The following CSMD3 variants were observed in gnomAD, a reference collection of about 807,000 sequenced individuals.
The protein encoded by CSMD3 is CUB and sushi domain-containing protein 3.
Under a neutral mutation model 435.2 loss-of-function variants are expected in CSMD3, and 177 were observed. The ratio of observed to expected loss-of-function variants is 0.41; its 90% CI spans 0.36 to 0.46. The LOEUF is 0.46. Among genes scored for constraint, CSMD3 ranks in the 20% least tolerant of loss-of-function variants. The probability of loss-of-function intolerance (pLI) is 0.34; values close to 1 mark genes in which losing one functional copy is unlikely to be tolerated. For missense variants in CSMD3, 4,265 were observed against 4,504.6 expected (o/e 0.95, Z 1.52); for synonymous variants, 1,656 against 1,520.5 (o/e 1.09, Z -2.07).
In CSMD3 at chr8:113,308,434, G is replaced by A. The variant is rs201257457; in HGVS notation, c.401+6137C>T. ...CAGGCGCCCAACACCACGCCCGGCTGATTTTTTGTATTTTTAGTAAAGACG... is the reference window on the plus strand; with the variant it reads ...CAGGCGCCCAACACCACGCCCGGCTAATTTTTTGTATTTTTAGTAAAGACG... On this transcript the variant is annotated intron_variant, in intron 2 of 70. Transcript: ENST00000297405. Among the ~76,000 whole-genome samples, 11 of 151,456 alleles carry A rather than the reference G, an allele frequency of 7.3e-5. No individual in the cohort carries two copies. In the East Asian group the frequency reaches 1.8e-3, roughly 24 times the overall value.
chr8:112,884,584 A>G (rs1008655221), intron 10 of CSMD3, among the ~76,000 whole-genome samples: 18 of 151,722 alleles, frequency 1.2e-4, no homozygotes, highest in African/African-American at 4.4e-4. Context: ...GAGTTGTGAC[A>G]ATCAAACTTG....
At chr8:112,938,752 A>G (rs2083361424) in intron 9 of CSMD3, among the ~76,000 whole-genome samples, 1 of 152,156 alleles carries the variant, frequency 6.6e-6, no homozygotes, top group Non-Finnish European at 1.5e-5. Context: ...AAGTGGAAAG[A>G]TAATGCCAGA....
At chr8:113,254,359 G>A (rs1399307892) in intron 3 of CSMD3, among the ~76,000 whole-genome samples, 1 of 152,196 alleles carries the variant, frequency 6.6e-6, no homozygotes, top group African/African-American at 2.4e-5. Context: ...ACAGGAAAAG[G>A]CTAACCAGGG....
At chr8:112,495,808 C>T (rs2002471039) in intron 30 of CSMD3, among the ~76,000 whole-genome samples, 2 of 151,954 alleles carry the variant, frequency 1.3e-5, no homozygotes, top group South Asian at 4.1e-4. Context: ...GAGTATTTTG[C>T]CTCCTTACAG....
intron 32 of CSMD3, among the ~76,000 whole-genome samples, chr8:112,440,755 AGCAATGGCCCAG>A (rs1056232773): frequency 1.4e-4 from 21 of 152,178 alleles, no homozygotes; most frequent in African/African-American, 4.8e-4. Flanking sequence ...CACCCTCTGA[AGCAATGGCCCAG>A]GCTATACCTT....
chr8:112,227,224 T>C (rs1328149489), intron 70 of CSMD3, among the ~76,000 whole-genome samples: 1 of 152,236 alleles, frequency 6.6e-6, no homozygotes, highest in Non-Finnish European at 1.5e-5. Context: ...TGGAATATTA[T>C]TTAGCCATAT....
Position 112,975,986 on chromosome 8 carries a change from A to C in CSMD3, c.1193T>G (p.Val398Gly), listed in dbSNP as rs1210335402. 7 of 1,613,976 alleles carry C rather than the reference A, an allele frequency of 4.3e-6. No homozygotes were observed. Among genetic ancestry groups the C allele is most frequent in the Admixed American group, 1.7e-5 (1 of 59,986 alleles). ...CAGACCTGAATTTCTGAGACTCGTAACTTGCACTCGCTGTTCCTCGGAAAG... is the reference window on the plus strand; with the variant it reads ...CAGACCTGAATTTCTGAGACTCGTACCTTGCACTCGCTGTTCCTCGGAAAG... ...HRLSEEQRVQ[V>G]TSLRNSGLDP... is the part of the protein sequence containing the mutation. Residue 398 changes from valine to glycine, a missense_variant, in exon 7 of 71, where the codon GTT (valine) becomes GGT (glycine). By Grantham distance (109) the Val-to-Gly change is moderately radical. Coordinates refer to ENST00000297405, the MANE Select transcript of CSMD3 (RefSeq NM_198123.2).
At chr8:112,362,574 T>C (rs1827351280) in intron 38 of CSMD3, among the ~76,000 whole-genome samples, 2 of 152,106 alleles carry the variant, frequency 1.3e-5, no homozygotes, top group African/African-American at 2.4e-5. Context: ...GGTGAGTACC[T>C]ATTGCGTGCT....
chr8:112,413,698 T>C (rs751674914), intron 32 of CSMD3, among the ~76,000 whole-genome samples: 5 of 152,108 alleles, frequency 3.3e-5, no homozygotes, highest in Non-Finnish European at 2.9e-5. Flanking sequence ...CATGAATAAA[T>C]AGAACAACAA....
chr8:112,750,325 T>C (rs1371450291), intron 13 of CSMD3, among the ~76,000 whole-genome samples: 2 of 151,596 alleles, frequency 1.3e-5, no homozygotes, highest in Non-Finnish European at 2.9e-5. Flanking sequence ...AATTCCATAA[T>C]TATAATTTAA....
At chr8:113,149,341 C>T (rs1046945074) in intron 4 of CSMD3, among the ~76,000 whole-genome samples, 1 of 151,764 alleles carries the variant, frequency 6.6e-6, no homozygotes, top group Admixed American at 6.6e-5. Flanking sequence ...CTTTCAGATT[C>T]ATTGTCTTCC....
chr8:113,342,464 A>G (rs2094126199), intron 1 of CSMD3, among the ~76,000 whole-genome samples: 1 of 152,222 alleles, frequency 6.6e-6, no homozygotes. Context: ...AAACTGCAAT[A>G]AAATTGTATA....
intron 12 of CSMD3, 47 bp downstream of exon 12, chr8:112,829,639 A>C (rs1174867042): frequency 4.8e-6 from 5 of 1,050,026 alleles, no homozygotes; most frequent in Non-Finnish European, 6.0e-6. Flanking sequence ...GTAAAATTTT[A>C]TTAGTACCCG....
intron 14 of CSMD3, among the ~76,000 whole-genome samples, chr8:112,689,492 A>C (rs1462726300): frequency 6.6e-6 from 1 of 152,060 alleles, no homozygotes. Flanking sequence ...TAAGCTTTAA[A>C]TATTTTAATG....
At chr8:112,973,857 A>C (rs1023518255) in intron 7 of CSMD3, among the ~76,000 whole-genome samples, 3 of 151,954 alleles carry the variant, frequency 2.0e-5, no homozygotes, top group Non-Finnish European at 2.9e-5. Context: ...ATTTGAATTA[A>C]AGTAGAAAGT....
rs562674560 is a variant in CSMD3, at chr8:112,376,789, T to C, written c.6136+3563A>G. Among the ~76,000 whole-genome samples the C allele has an allele frequency of 7.9e-5, 12 of 152,282 alleles. No individual in the cohort carries two copies. The South Asian group carries it at 1.0e-3, about 13-fold the overall frequency. On this transcript the variant is annotated intron_variant, in intron 38 of 70. Coordinates refer to ENST00000297405, the MANE Select transcript of CSMD3 (RefSeq NM_198123.2). Reference sequence around the variant, plus strand: ...TTTATTCATTTACTCATTCAACAAGTATATTTTAATTGTTTGGTAAGTTTC... The same window carrying C: ...TTTATTCATTTACTCATTCAACAAGCATATTTTAATTGTTTGGTAAGTTTC...
chr8:112,422,738 GTCTGTTA>G (rs1254869102), intron 32 of CSMD3, among the ~76,000 whole-genome samples: 2 of 152,094 alleles, frequency 1.3e-5, no homozygotes, highest in African/African-American at 4.8e-5. Context: ...GGCATTTCTA[GTCTGTTA>G]TCTTACAAAT....
intron 3 of CSMD3, among the ~76,000 whole-genome samples, chr8:113,177,124 G>C (rs1004810247): frequency 2.6e-5 from 4 of 151,666 alleles, no homozygotes; most frequent in African/African-American, 9.7e-5. Context: ...GAACTTTTTT[G>C]TAATTCATCA....
At chr8:112,656,987 T>C (rs2075272439) in intron 17 of CSMD3, among the ~76,000 whole-genome samples, 1 of 151,984 alleles carries the variant, frequency 6.6e-6, no homozygotes. Context: ...ATTAACCCTA[T>C]GGTGTAGCTC....
Sources: allele counts gnomAD v4.1 joint callset (sites outside exome capture counted in the v4.1 genomes callset), GRCh38; gene constraint gnomAD v4.1.1; transcripts MANE v1.5; gene names NCBI Gene and HGNC (gene_info 2026-07-23, HGNC 2026-07-21).